Variants in KHDRBS2 observed in about 807,000 individuals in gnomAD.
KHDRBS2 encodes KH RNA binding domain containing, signal transduction associated 2.
KHDRBS2 carries 26 observed loss-of-function variants against 44.3 expected under a neutral mutation model. The ratio of observed to expected loss-of-function variants is 0.59; its 90% CI spans 0.43 to 0.81. The LOEUF (loss-of-function observed/expected upper bound fraction) is 0.81, where lower values mean the gene tolerates loss of function less well. Ranked by LOEUF, KHDRBS2 falls within the 40% of genes least tolerant of loss-of-function variation. The pLI, the probability that KHDRBS2 is intolerant of heterozygous loss-of-function variation, is 0.00. For synonymous variants in KHDRBS2, 194 were observed against 151.1 expected (o/e 1.28, Z -2.08); for missense variants, 476 against 433.1 (o/e 1.10, Z -0.88).
At chr6:61,901,457 CGCAA>C in intron 4 of KHDRBS2, 86 bp from the exon 5 acceptor site, 6 of 374,380 alleles carry the variant, frequency 1.6e-5, no homozygotes, top group African/African-American at 3.1e-5. Context: ...CAAAACAAAA[CGCAA>C]TAGGAAATAA....
At chr6:61,726,185 T>G (rs1773532976) in intron 7 of KHDRBS2, among the ~76,000 whole-genome samples, 1 of 147,248 alleles carries the variant, frequency 6.8e-6, no homozygotes, top group African/African-American at 2.5e-5. Context: ...TAAACAGAAC[T>G]AATAGATGCA....
chr6:61,674,568 G>C, the KHDRBS2 span, among the ~76,000 whole-genome samples: 1 of 151,664 alleles, frequency 6.6e-6, no homozygotes, highest in Non-Finnish European at 1.5e-5. Flanking sequence ...CAGCATATAT[G>C]CTCAAAAACC....
At chr6:62,264,586 T>C (rs1838881842) in intron 1 of KHDRBS2, among the ~76,000 whole-genome samples, 1 of 151,714 alleles carries the variant, frequency 6.6e-6, no homozygotes, top group African/African-American at 2.4e-5. Context: ...CCTCTCTTTT[T>C]GCAAGAATTC....
chr6:61,771,003 C>T (rs886589198), intron 6 of KHDRBS2, among the ~76,000 whole-genome samples: 6 of 152,194 alleles, frequency 3.9e-5, no homozygotes, highest in African/African-American at 1.4e-4. Context: ...AGAAACTCTA[C>T]AAGCCAGAAG....
At chr6:61,766,602 A>G (rs1175838248) in intron 6 of KHDRBS2, among the ~76,000 whole-genome samples, 4 of 151,982 alleles carry the variant, frequency 2.6e-5, no homozygotes, top group African/African-American at 4.8e-5. Context: ...ATATATAGCT[A>G]TGAACTTCCC....
intron 6 of KHDRBS2, among the ~76,000 whole-genome samples, chr6:61,867,282 G>A (rs1280049389): frequency 6.6e-6 from 1 of 152,192 alleles, no homozygotes; most frequent in African/African-American, 2.4e-5. Flanking sequence ...GAGAGCTTGT[G>A]CAGGTGAACT....
At chr6:62,173,780 T>C (rs897213485) in intron 2 of KHDRBS2, among the ~76,000 whole-genome samples, 2 of 152,054 alleles carry the variant, frequency 1.3e-5, no homozygotes, top group Non-Finnish European at 2.9e-5. Flanking sequence ...AATCAATAAA[T>C]GTGATTATTC....
intron 2 of KHDRBS2, among the ~76,000 whole-genome samples, chr6:62,056,287 A>G (rs1790277674): frequency 6.6e-6 from 1 of 151,628 alleles, no homozygotes; most frequent in Admixed American, 6.6e-5. Context: ...CTAGAAATAA[A>G]TTTTTGATTG....
At chr6:62,281,638 A>T (rs538603765) in intron 1 of KHDRBS2, among the ~76,000 whole-genome samples, 167 of 152,238 alleles carry the variant, frequency 1.1e-3, no homozygotes, top group African/African-American at 3.9e-3. Flanking sequence ...AATAAAATAA[A>T]TTTTTAAAAT....
chr6:61,680,753 C>T lies in KHDRBS2; in HGVS notation c.*210G>A. The T allele has an allele frequency of 2.5e-6, 1 of 394,532 alleles. No individual in the cohort carries two copies. The highest frequency in any genetic ancestry group is 4.6e-6 in the Non-Finnish European group (1 of 218,554). 24.4% of individuals were successfully genotyped at this position (394,532 alleles called of 1,614,324 possible). A position where few individuals can be genotyped will look rare whatever the true frequency, so the allele number is the denominator to read the frequency against. Reference sequence around the variant, plus strand: ...AGACTATGCTTGCTAATGTCTTTTTCAGTCTGTTTTGTAAAATAATACTAG... The same window carrying T: ...AGACTATGCTTGCTAATGTCTTTTTTAGTCTGTTTTGTAAAATAATACTAG... On this transcript the variant is annotated 3_prime_UTR_variant, in exon 9 of 9. Transcript: ENST00000281156.
At chr6:62,065,219 G>A (rs1324335188) in intron 2 of KHDRBS2, among the ~76,000 whole-genome samples, 5 of 152,156 alleles carry the variant, frequency 3.3e-5, no homozygotes, top group Non-Finnish European at 5.9e-5. Context: ...GTGGAAGTCA[G>A]TGTGGCCATT....
At chr6:62,247,324 CA>C (rs1223983984) in intron 1 of KHDRBS2, among the ~76,000 whole-genome samples, 3 of 151,232 alleles carry the variant, frequency 2.0e-5, no homozygotes, top group African/African-American at 7.3e-5. Context: ...TAGGTTGATG[CA>C]AAAGTAAGTG....
chr6:61,697,743 T>A (rs1768075482), intron 7 of KHDRBS2, among the ~76,000 whole-genome samples: 1 of 152,152 alleles, frequency 6.6e-6, no homozygotes, highest in Admixed American at 6.6e-5. Flanking sequence ...TTTGTTTCAC[T>A]CGATATTTTG....
chr6:61,981,853 T>G (rs184331600), intron 3 of KHDRBS2, among the ~76,000 whole-genome samples: 2 of 152,324 alleles, frequency 1.3e-5, no homozygotes, highest in East Asian at 3.9e-4. Flanking sequence ...TATATTTGTA[T>G]GGGTAGATTT....
At chr6:61,710,796 C>CT (rs34892850) in intron 7 of KHDRBS2, among the ~76,000 whole-genome samples, 41,756 of 116,262 alleles carry the variant, frequency 0.36, 7,911 homozygotes, top group East Asian at 0.48. Flanking sequence ...TACCTGAGCT[C>CT]TTTTTTTTTT....
intron 4 of KHDRBS2, among the ~76,000 whole-genome samples, chr6:61,951,079 AATAG>A (rs1231863467): frequency 2.0e-5 from 3 of 152,166 alleles, no homozygotes; most frequent in East Asian, 1.9e-4. Flanking sequence ...TCTATGCAGA[AATAG>A]ATAGAACATT....
chr6:61,710,192 GA>G (rs1297379648), intron 7 of KHDRBS2, among the ~76,000 whole-genome samples: 2 of 150,594 alleles, frequency 1.3e-5, no homozygotes, highest in Non-Finnish European at 3.0e-5. Context: ...CTTTGTGTAA[GA>G]AAAAAAAATG....
At chr6:61,666,815 C>A in the KHDRBS2 span, among the ~76,000 whole-genome samples, 3 of 151,244 alleles carry the variant, frequency 2.0e-5, no homozygotes, top group South Asian at 2.1e-4. Flanking sequence ...TGGGTCCTTG[C>A]AATGCACTTT....
chr6:62,273,117 A>G (rs1840346109), intron 1 of KHDRBS2, among the ~76,000 whole-genome samples: 1 of 152,174 alleles, frequency 6.6e-6, no homozygotes, highest in African/African-American at 2.4e-5. Flanking sequence ...GTTTTCAGCC[A>G]CTACCCTCAA....
Sources: gnomAD v4.1 joint callset for allele counts (sites outside exome capture counted in the v4.1 genomes callset) on GRCh38, gnomAD v4.1.1 for gene constraint, MANE v1.5 for transcripts, NCBI Gene and HGNC (gene_info 2026-07-23, HGNC 2026-07-21) for gene names.